The following PANK2 variants were observed in gnomAD, a reference collection of about 807,000 sequenced individuals.
The protein encoded by PANK2 is pantothenate kinase 2.
Under a neutral mutation model 43.1 loss-of-function variants are expected in PANK2, and 36 were observed. That is an observed-to-expected ratio of 0.84 (90% confidence interval 0.64 to 1.10). The LOEUF (loss-of-function observed/expected upper bound fraction) is 1.10, where lower values mean the gene tolerates loss of function less well. PANK2 is among the 50% of genes least tolerant of loss of function. PANK2 has a pLI of 0.00. For synonymous variants in PANK2, 281 were observed against 238.2 expected, an observed-to-expected ratio of 1.18 and a Z score of -1.66; for missense variants, 576 against 593.3, an observed-to-expected ratio of 0.97 and a Z score of 0.30.
At chr20:3,898,999 C>G (rs577365069) in intron 1 of PANK2, among the ~76,000 whole-genome samples, 1 of 151,558 alleles carries the variant, frequency 6.6e-6, no homozygotes, top group Non-Finnish European at 1.5e-5. Flanking sequence ...CTTAGCCTCC[C>G]GAGTAGCTGG....
At chr20:3,911,083 A>G (rs1232385209) in intron 3 of PANK2, among the ~76,000 whole-genome samples, 2 of 152,226 alleles carry the variant, frequency 1.3e-5, no homozygotes, top group African/African-American at 2.4e-5. Flanking sequence ...GCCCTCAGAT[A>G]GTTTATGGTG....
intron 1 of PANK2, among the ~76,000 whole-genome samples, chr20:3,903,249 G>A (rs2090333058): frequency 6.6e-6 from 1 of 151,200 alleles, no homozygotes; most frequent in Admixed American, 6.7e-5. Context: ...CTGGGTTCAA[G>A]TGATTCTCCT....
chr20:3,912,326 C>T, intron 3 of PANK2, 132 bp from the exon 4 acceptor site: 2 of 971,484 alleles, frequency 2.1e-6, no homozygotes, highest in Non-Finnish European at 3.2e-6. Context: ...TTTTCACAGA[C>T]TTGTTTCCTA....
intron 4 of PANK2, among the ~76,000 whole-genome samples, chr20:3,913,936 C>A (rs35571490): frequency 4.0e-5 from 6 of 151,204 alleles, no homozygotes; most frequent in Middle Eastern, 3.2e-3. Flanking sequence ...CTACAGGTGC[C>A]TGCCACCACG....
chr20:3,909,824 C>T (rs1000400728), intron 2 of PANK2, among the ~76,000 whole-genome samples: 2 of 150,344 alleles, frequency 1.3e-5, no homozygotes, highest in African/African-American at 4.9e-5. Context: ...GAACTCCTGA[C>T]CTTGTGATCC....
intron 1 of PANK2, among the ~76,000 whole-genome samples, chr20:3,907,711 C>G (rs1231045966): frequency 6.6e-6 from 1 of 151,992 alleles, no homozygotes; most frequent in African/African-American, 2.4e-5. Context: ...TGGCTCAATA[C>G]TTTGATATTT....
At chr20:3,889,309 G>C (rs1301388603), upstream of PANK2, 10 of 1,600,110 alleles carry the variant, frequency 6.2e-6, no homozygotes, top group Non-Finnish European at 8.5e-6. Context: ...GAGGCCTTTG[G>C]GCCGTCCCCA....
chr20:3,898,557 C>T (rs2090248404), intron 1 of PANK2, among the ~76,000 whole-genome samples: 1 of 152,084 alleles, frequency 6.6e-6, no homozygotes, highest in Non-Finnish European at 1.5e-5. Flanking sequence ...CGTTTAAGTA[C>T]TACTTTGGGT....
chr20:3,920,391 C>T (rs2090627625), intron 6 of PANK2, among the ~76,000 whole-genome samples: 1 of 152,106 alleles, frequency 6.6e-6, no homozygotes, highest in African/African-American at 2.4e-5. Context: ...TGGCGGGCGC[C>T]TATAATCCCC....
intron 1 of PANK2, among the ~76,000 whole-genome samples, chr20:3,907,099 CT>C (rs71195867): frequency 1.4e-3 from 110 of 80,624 alleles, no homozygotes; most frequent in African/African-American, 3.4e-3. Flanking sequence ...CCAGCCCTGC[CT>C]TTTTTTTTTT....
chr20:3,910,550 T>C (rs751998228), intron 2 of PANK2, 27 bp from the exon 3 acceptor site: 3 of 1,613,858 alleles, frequency 1.9e-6, no homozygotes, highest in South Asian at 1.1e-5. Context: ...TATTAAAAAG[T>C]CTGAGTACAT....
At chr20:3,914,628 C>A (rs2090529711) in intron 4 of PANK2, among the ~76,000 whole-genome samples, 1 of 150,586 alleles carries the variant, frequency 6.6e-6, no homozygotes, top group Non-Finnish European at 1.5e-5. Context: ...GTGGCAGGGT[C>A]TCTCTCTGTT....
chr20:3,908,982 C>G (rs969381948), intron 2 of PANK2: 3 of 153,018 alleles, frequency 2.0e-5, no homozygotes, highest in Non-Finnish European at 4.4e-5. Context: ...ATGAATAAGC[C>G]AAGATCCTGA....
intron 1 of PANK2, among the ~76,000 whole-genome samples, chr20:3,890,131 G>C (rs779098440): frequency 3.5e-4 from 53 of 152,254 alleles, no homozygotes; most frequent in Middle Eastern, 6.8e-3. Context: ...CCAAAGAGCT[G>C]CTCTCTAATA....
At chr20:3,917,091 A>G (rs1333492677) in intron 5 of PANK2, 41 bp downstream of exon 5, 2 of 1,612,088 alleles carry the variant, frequency 1.2e-6, no homozygotes, top group Non-Finnish European at 1.7e-6. Flanking sequence ...TAAGGAAAAT[A>G]CTGAACTTAA....
chr20:3,917,042 C>G lies in PANK2; in HGVS notation c.1198C>G (p.Leu400Val). The G allele has an allele frequency of 1.2e-6, 2 of 1,613,932 alleles. No homozygotes were observed. Among genetic ancestry groups the G allele is most frequent in the Non-Finnish European group, 1.7e-6 (2 of 1,179,962 alleles). Residue 400 changes from leucine to valine, a missense_variant, in exon 5 of 7, where the codon CTT becomes GTT. This residue lies in a region of PANK2 where 544 missense variants were observed against 528.9 expected (regional missense o/e 1.03). Transcript: ENST00000610179. ...TGGCTCAATAGCAAGAATGTGTGCCCTTAATGAAGTAAGGGGACATGGATT... is the reference window on the plus strand; with the variant it reads ...TGGCTCAATAGCAAGAATGTGTGCCGTTAATGAAGTAAGGGGACATGGATT...
At chr20:3,912,690 G>A (rs2090487290) in intron 4 of PANK2, 56 bp downstream of exon 4, 2 of 1,596,542 alleles carry the variant, frequency 1.3e-6, no homozygotes, top group Admixed American at 3.4e-5. Flanking sequence ...GGTGGCTCAT[G>A]CCTTTAATCC....
chr20:3,922,706 C>A (rs2090665073), intron 6 of PANK2, among the ~76,000 whole-genome samples: 1 of 152,142 alleles, frequency 6.6e-6, no homozygotes, highest in Non-Finnish European at 1.5e-5. Flanking sequence ...GGGGATGCTG[C>A]CCCCTCCTGC....
intron 1 of PANK2, among the ~76,000 whole-genome samples, chr20:3,896,193 G>C (rs976876146): frequency 1.4e-4 from 21 of 150,208 alleles, no homozygotes; most frequent in African/African-American, 4.7e-4. Flanking sequence ...CTCCTGAGTA[G>C]CTGGGACTAC....
Sources: allele counts gnomAD v4.1 joint callset (sites outside exome capture counted in the v4.1 genomes callset), GRCh38; gene constraint gnomAD v4.1.1; regional missense constraint gnomAD v4.1.1; transcripts MANE v1.5; gene names NCBI Gene and HGNC (gene_info 2026-07-23, HGNC 2026-07-21).